NKAIN2: variants seen among roughly 807,000 people sequenced by gnomAD.
NKAIN2 encodes sodium/potassium transporting ATPase interacting 2.
NKAIN2 carries 14 observed loss-of-function variants against 32.6 expected under a neutral mutation model. The observed-to-expected ratio is 0.43, with a 90% CI of 0.28 to 0.67. The LOEUF (loss-of-function observed/expected upper bound fraction) is 0.67. Among genes scored for constraint, NKAIN2 ranks in the 30% least tolerant of loss-of-function variants. The pLI, the probability that NKAIN2 is intolerant of heterozygous loss-of-function variation, is 0.17. For missense variants in NKAIN2, 198 were observed against 258.3 expected (o/e 0.77, Z 1.60); for synonymous variants, 80 against 87.2 (o/e 0.92, Z 0.46).
chr6:124,425,946 A>G (rs781634263), intron 3 of NKAIN2, among the ~76,000 whole-genome samples: 8 of 152,168 alleles, frequency 5.3e-5, no homozygotes, highest in Non-Finnish European at 1.0e-4. Flanking sequence ...CTCGTTTAAC[A>G]AGACAAATTG....
Position 124,009,298 on chromosome 6 carries a change from C to A in NKAIN2, c.54+205044C>A, listed in dbSNP as rs75156125. ...CTGCCTGATGTAGTCATTTATCTAG[C>A]CACCTTGCTGTGTCATATTTTCAAT... On this transcript the variant is annotated intron_variant, in intron 1 of 6. Coordinates refer to ENST00000368417, the MANE Select transcript of NKAIN2 (RefSeq NM_001040214.3). 6.3e-3 allele frequency among the ~76,000 whole-genome samples: 961 copies of A among 152,196 alleles called. 9 individuals carry two copies. Among genetic ancestry groups the A allele is most frequent in the African/African-American group, 0.023 (937 of 41,524 alleles).
At chr6:124,409,414 AT>A (rs1204594846) in intron 3 of NKAIN2, among the ~76,000 whole-genome samples, 1 of 152,058 alleles carries the variant, frequency 6.6e-6, no homozygotes, top group Non-Finnish European at 1.5e-5. Flanking sequence ...GGGTTGTTGA[AT>A]TTTGTCAAAG....
At chr6:124,433,345 G>A (rs978129863) in intron 3 of NKAIN2, among the ~76,000 whole-genome samples, 7 of 152,180 alleles carry the variant, frequency 4.6e-5, no homozygotes, top group Admixed American at 3.9e-4. Context: ...TTTGTATTTA[G>A]TTGAATCTCA....
At chr6:124,192,730 T>C (rs1790081071) in intron 1 of NKAIN2, among the ~76,000 whole-genome samples, 1 of 150,810 alleles carries the variant, frequency 6.6e-6, no homozygotes, top group African/African-American at 2.4e-5. Context: ...TTTCTCTCCT[T>C]AGTTCCATCC....
chr6:124,476,853 A>T (rs1343117710), intron 3 of NKAIN2, among the ~76,000 whole-genome samples: 2 of 152,164 alleles, frequency 1.3e-5, no homozygotes, highest in Non-Finnish European at 2.9e-5. Flanking sequence ...CCCACAGCAT[A>T]TGAAAGGGGT....
chr6:124,107,414 A>G (rs1003093375), intron 1 of NKAIN2, among the ~76,000 whole-genome samples: 11 of 152,210 alleles, frequency 7.2e-5, no homozygotes, highest in African/African-American at 1.9e-4. Flanking sequence ...TAATGCATCC[A>G]AAAGGTGATG....
intron 3 of NKAIN2, among the ~76,000 whole-genome samples, chr6:124,428,977 C>G (rs1469116318): frequency 6.6e-6 from 1 of 152,134 alleles, no homozygotes; most frequent in African/African-American, 2.4e-5. Context: ...TAGCTACTTT[C>G]TGTTTTCTGA....
chr6:124,466,115 A>G (rs1776744421), intron 3 of NKAIN2, among the ~76,000 whole-genome samples: 1 of 152,142 alleles, frequency 6.6e-6, no homozygotes, highest in African/African-American at 2.4e-5. Flanking sequence ...GTAACTGGCA[A>G]TTGGATTTAG....
At chr6:124,187,695 TTTTTAACAACATAGTA>T (rs1789813975) in intron 1 of NKAIN2, among the ~76,000 whole-genome samples, 1 of 152,198 alleles carries the variant, frequency 6.6e-6, no homozygotes, top group Non-Finnish European at 1.5e-5. Context: ...ACCCTCATCC[TTTTTAACAACATAGTA>T]CATGCATTGG....
intron 2 of NKAIN2, among the ~76,000 whole-genome samples, chr6:124,283,802 T>G (rs1795419917): frequency 6.6e-6 from 1 of 152,206 alleles, no homozygotes; most frequent in South Asian, 2.1e-4. Flanking sequence ...TGCTCTTCAT[T>G]AATGTACATT....
intron 1 of NKAIN2, among the ~76,000 whole-genome samples, chr6:123,866,641 A>G (rs1447381673): frequency 6.6e-6 from 1 of 152,106 alleles, no homozygotes; most frequent in Non-Finnish European, 1.5e-5. Flanking sequence ...CGCGTTAGCC[A>G]GGATGGTCTC....
At chr6:124,317,286 T>C (rs1796995117) in intron 2 of NKAIN2, among the ~76,000 whole-genome samples, 1 of 152,134 alleles carries the variant, frequency 6.6e-6, no homozygotes, top group Non-Finnish European at 1.5e-5. Flanking sequence ...ATTGTAATTT[T>C]CATATCAATG....
intron 1 of NKAIN2, among the ~76,000 whole-genome samples, chr6:124,061,643 G>T (rs561256078): frequency 4.7e-4 from 71 of 151,936 alleles, no homozygotes; most frequent in African/African-American, 1.5e-3. Flanking sequence ...ATTTTTAAAG[G>T]TGATTTAAAC....
intron 2 of NKAIN2, among the ~76,000 whole-genome samples, chr6:124,326,300 T>C (rs1797409021): frequency 6.6e-6 from 1 of 152,090 alleles, no homozygotes; most frequent in Non-Finnish European, 1.5e-5. Flanking sequence ...TTCATCTTTA[T>C]CTTTCTAGTT....
At chr6:124,560,269 A>C (rs888990807) in intron 3 of NKAIN2, among the ~76,000 whole-genome samples, 1 of 152,118 alleles carries the variant, frequency 6.6e-6, no homozygotes, top group Non-Finnish European at 1.5e-5. Flanking sequence ...TGGTTTTATA[A>C]GGGACTTTTC....
chr6:124,646,469 T>C (rs1784172813), intron 3 of NKAIN2, among the ~76,000 whole-genome samples: 1 of 150,888 alleles, frequency 6.6e-6, no homozygotes, highest in African/African-American at 2.4e-5. Flanking sequence ...ATAGAAAGAG[T>C]GGAAGGGAGG....
At chr6:124,245,251 A>C (rs1250293822) in intron 1 of NKAIN2, among the ~76,000 whole-genome samples, 4 of 152,094 alleles carry the variant, frequency 2.6e-5, no homozygotes, top group African/African-American at 4.8e-5. Flanking sequence ...GCTCATACAC[A>C]TCACATTTTA....
intron 1 of NKAIN2, among the ~76,000 whole-genome samples, chr6:124,023,070 A>ATAAG (rs1304849564): frequency 0.013 from 1,943 of 150,230 alleles, 43 homozygotes; most frequent in African/African-American, 0.046. Flanking sequence ...ATGTATAAGT[A>ATAAG]TATATATATA....
chr6:124,121,180 A>G (rs1214739340), intron 1 of NKAIN2, among the ~76,000 whole-genome samples: 2 of 152,104 alleles, frequency 1.3e-5, no homozygotes, highest in Admixed American at 6.6e-5. Flanking sequence ...TTGCCCTGCC[A>G]TCTTGTGTAT....
Sources: allele counts gnomAD v4.1 joint callset (sites outside exome capture counted in the v4.1 genomes callset), GRCh38; gene constraint gnomAD v4.1.1; transcripts MANE v1.5; gene names NCBI Gene and HGNC (gene_info 2026-07-23, HGNC 2026-07-21).